The following SNX29 variants were observed in gnomAD, a reference collection of about 807,000 sequenced individuals.
SNX29 encodes sorting nexin 29.
A neutral mutation model predicts 102.1 loss-of-function variants in SNX29; 78 were observed. That is an observed-to-expected ratio of 0.76 (90% confidence interval 0.64 to 0.92). The LOEUF (loss-of-function observed/expected upper bound fraction) is 0.92, where lower values mean the gene tolerates loss of function less well. Ranked by LOEUF, SNX29 falls within the 40% of genes least tolerant of loss-of-function variation. The probability of loss-of-function intolerance (pLI) is 0.00; values close to 1 mark genes in which losing one functional copy is unlikely to be tolerated. For synonymous variants in SNX29, 580 were observed against 414.5 expected, an observed-to-expected ratio of 1.40 and a Z score of -4.85; for missense variants, 1,280 against 1,061.7, an observed-to-expected ratio of 1.21 and a Z score of -2.86.
intron 20 of SNX29, among the ~76,000 whole-genome samples, chr16:12,545,951 C>CTT (rs2077580309): frequency 6.6e-6 from 1 of 152,120 alleles, no homozygotes; most frequent in Admixed American, 6.5e-5. Flanking sequence ...ATCCTGACAA[C>CTT]TAAGGGCAGG....
intron 15 of SNX29, among the ~76,000 whole-genome samples, chr16:12,355,619 T>C (rs2082107926): frequency 6.6e-6 from 1 of 152,148 alleles, no homozygotes; most frequent in Non-Finnish European, 1.5e-5. Context: ...TATAGTTGAA[T>C]AGTCTGTACA....
intron 15 of SNX29, among the ~76,000 whole-genome samples, chr16:12,289,987 A>G (rs1232293192): frequency 1.3e-5 from 2 of 152,124 alleles, no homozygotes; most frequent in Admixed American, 1.3e-4. Flanking sequence ...GGCAGTGTGG[A>G]GCTGGAGAAA....
chr16:12,401,613 C>T (rs200307426), intron 17 of SNX29, among the ~76,000 whole-genome samples: 1 of 152,108 alleles, frequency 6.6e-6, no homozygotes, highest in Non-Finnish European at 1.5e-5. Context: ...ATCCACCTTC[C>T]TCAGCCTCCC....
At chr16:12,232,629 G>T (rs1384208970) in intron 14 of SNX29, among the ~76,000 whole-genome samples, 13 of 152,158 alleles carry the variant, frequency 8.5e-5, no homozygotes, top group Admixed American at 7.2e-4. Context: ...TAGTGGAAAC[G>T]TTGGGGAATC....
chr16:12,561,388 C>G (rs12925384), intron 20 of SNX29, among the ~76,000 whole-genome samples: 37,565 of 152,030 alleles, frequency 0.25, 5,001 homozygotes, highest in East Asian at 0.43. Context: ...ATGCTGGCCA[C>G]ATCCCCGCCA....
At chr16:12,257,367 A>T (rs2078604757) in intron 14 of SNX29, among the ~76,000 whole-genome samples, 1 of 152,144 alleles carries the variant, frequency 6.6e-6, no homozygotes, top group Admixed American at 6.5e-5. Flanking sequence ...TCACACAGGT[A>T]ATCCAGTATA....
Position 12,299,411 on chromosome 16 carries a change from G to A in SNX29, c.1782+21375G>A, listed in dbSNP as rs2870489. On this transcript the variant is annotated intron_variant, in intron 15 of 20. Coordinates refer to ENST00000566228, the MANE Select transcript of SNX29 (RefSeq NM_032167.5). ...TTGTCCTATCTTCAGCCCATGGACG[G>A]TGTTTAGTTTGATTCCTGAGTCCTC... is the stretch of plus-strand genomic sequence containing the variant. Among the ~76,000 whole-genome samples the A allele has an allele frequency of 3.9e-4, 60 of 152,282 alleles. 3 individuals are homozygous for A. The South Asian group carries it at 0.012, about 31-fold the overall frequency.
intron 13 of SNX29, among the ~76,000 whole-genome samples, chr16:12,139,815 C>A (rs350273): frequency 6.6e-6 from 1 of 151,410 alleles, no homozygotes; most frequent in Admixed American, 6.6e-5. Context: ...ACCCTGTCTA[C>A]ACAAAAATTA....
intron 18 of SNX29, among the ~76,000 whole-genome samples, chr16:12,439,518 A>G (rs992660383): frequency 1.3e-5 from 2 of 152,350 alleles, no homozygotes; most frequent in East Asian, 3.9e-4. Flanking sequence ...CCCATCTCAC[A>G]TGGTGGCAGA....
rs79568614 is a variant in SNX29 at position 12,267,307 on chromosome 16, C to T, written c.1679-10626C>T. Among the ~76,000 whole-genome samples the T allele has an allele frequency of 6.6e-3, 1,001 of 151,914 alleles. 12 individuals carry two copies. The highest frequency in any genetic ancestry group is 0.023 in the African/African-American group (944 of 41,358). Reference sequence around the variant, plus strand: ...TAGGCTCCCTTTGGTGTTTAACACACGGCCTTGGATGTTCCCAAGCGGGGG... The same window carrying T: ...TAGGCTCCCTTTGGTGTTTAACACATGGCCTTGGATGTTCCCAAGCGGGGG... On this transcript the variant is annotated intron_variant, in intron 14 of 20. Transcript: ENST00000566228.
chr16:12,343,662 T>G (rs1211950994), intron 15 of SNX29, among the ~76,000 whole-genome samples: 1 of 151,134 alleles, frequency 6.6e-6, no homozygotes, highest in African/African-American at 2.4e-5. Context: ...GGCCACTTTG[T>G]CTGAGAACCG....
At chr16:12,064,724 A>G (rs1181569277) in intron 9 of SNX29, among the ~76,000 whole-genome samples, 1 of 152,182 alleles carries the variant, frequency 6.6e-6, no homozygotes, top group African/African-American at 2.4e-5. Context: ...CCCCATTTCC[A>G]TGGGAGGTGT....
chr16:12,047,872 G>T (rs925655105), intron 6 of SNX29, among the ~76,000 whole-genome samples: 1 of 151,966 alleles, frequency 6.6e-6, no homozygotes, highest in African/African-American at 2.4e-5. Context: ...GGTCAGGCTG[G>T]TCTCGAACTC....
chr16:11,993,193 A>G (rs2055921069), intron 1 of SNX29, among the ~76,000 whole-genome samples: 1 of 151,642 alleles, frequency 6.6e-6, no homozygotes, highest in Non-Finnish European at 1.5e-5. Context: ...AAATAAATAA[A>G]TAAATATCTG....
intron 20 of SNX29, among the ~76,000 whole-genome samples, chr16:12,556,802 T>TA (rs1444613376): frequency 6.6e-6 from 1 of 152,140 alleles, no homozygotes; most frequent in African/African-American, 2.4e-5. Flanking sequence ...TTGCCCCCTT[T>TA]ACTAAAGTAC....
intron 15 of SNX29, 59 bp downstream of exon 15, chr16:12,278,095 C>A (rs529501516): frequency 6.9e-7 from 1 of 1,453,732 alleles, no homozygotes; most frequent in East Asian, 2.5e-5. Context: ...TGGAGACTTT[C>A]CAGGGTAGGT....
chr16:12,173,092 C>A (rs1001721993), intron 13 of SNX29, among the ~76,000 whole-genome samples: 1 of 152,180 alleles, frequency 6.6e-6, no homozygotes, highest in Non-Finnish European at 1.5e-5. Flanking sequence ...AAATGTTCCA[C>A]ATTGCTCTGC....
Position 12,392,776 on chromosome 16 carries a change from G to A in SNX29, c.1900-5670G>A, listed in dbSNP as rs537767063. Among the ~76,000 whole-genome samples the A allele has an allele frequency of 3.3e-5, 5 of 152,256 alleles. No homozygotes were observed. In the East Asian group the frequency reaches 7.7e-4, roughly 24 times the overall value. ...ACAGAGAACAAAAACAACAACAAAA[G>A]CCACAGAGATATGATGCCTCTAGTG... On this transcript the variant is annotated intron_variant, in intron 16 of 20. Transcript: ENST00000566228.
chr16:12,234,571 G>C (rs1358243372), intron 14 of SNX29, among the ~76,000 whole-genome samples: 1 of 152,018 alleles, frequency 6.6e-6, no homozygotes, highest in African/African-American at 2.4e-5. Context: ...TTCTGATGAA[G>C]TTGAATTCAT....
Sources: gnomAD v4.1 joint callset for allele counts (sites outside exome capture counted in the v4.1 genomes callset) on GRCh38, gnomAD v4.1.1 for gene constraint, MANE v1.5 for transcripts, NCBI Gene and HGNC (gene_info 2026-07-23, HGNC 2026-07-21) for gene names.